LRP1B: variants seen among roughly 807,000 people sequenced by gnomAD.
The protein encoded by LRP1B is low-density lipoprotein receptor-related protein 1B.
Under a neutral mutation model 556.6 loss-of-function variants are expected in LRP1B, and 217 were observed. The observed-to-expected ratio is 0.39, with a 90% confidence interval of 0.35 to 0.44. The LOEUF is 0.44. Among genes scored for constraint, LRP1B ranks in the 20% least tolerant of loss-of-function variants. The pLI is 1.00. For missense variants in LRP1B, 5,053 were observed against 5,620.8 expected (o/e 0.90, Z 3.23); for synonymous variants, 2,047 against 1,865.8 (o/e 1.10, Z -2.50).
intron 7 of LRP1B, among the ~76,000 whole-genome samples, chr2:141,149,541 A>G (rs1183892338): frequency 6.6e-6 from 1 of 152,116 alleles, no homozygotes; most frequent in Non-Finnish European, 1.5e-5. Flanking sequence ...TCTATTCTAC[A>G]ACTCCTTTAT....
chr2:141,807,365 AG>A (rs1696199486), intron 2 of LRP1B, among the ~76,000 whole-genome samples: 3 of 152,220 alleles, frequency 2.0e-5, no homozygotes, highest in Non-Finnish European at 4.4e-5. Flanking sequence ...TATCTTGAAC[AG>A]ATTAAATGAA....
At chr2:141,471,443 T>TA (rs1293430707) in intron 3 of LRP1B, among the ~76,000 whole-genome samples, 1 of 152,096 alleles carries the variant, frequency 6.6e-6, no homozygotes, top group Non-Finnish European at 1.5e-5. Flanking sequence ...GCTTCAACCT[T>TA]ACCCAATAAC....
intron 2 of LRP1B, among the ~76,000 whole-genome samples, chr2:141,595,670 T>A (rs1687491061): frequency 6.6e-6 from 1 of 152,094 alleles, no homozygotes; most frequent in Middle Eastern, 3.2e-3. Flanking sequence ...TTTCATCAAT[T>A]TCTCCAAGCA....
At chr2:140,703,757 G>A (rs963157788) in intron 37 of LRP1B, among the ~76,000 whole-genome samples, 2 of 152,126 alleles carry the variant, frequency 1.3e-5, no homozygotes, top group Non-Finnish European at 2.9e-5. Context: ...TTATAAGTGA[G>A]AACACTCAGT....
intron 34 of LRP1B, among the ~76,000 whole-genome samples, chr2:140,769,994 G>C (rs1291000573): frequency 6.6e-6 from 1 of 151,702 alleles, no homozygotes; most frequent in Non-Finnish European, 1.5e-5. Flanking sequence ...ACACTCTAAT[G>C]CTTATGCATT....
chr2:141,871,487 T>C (rs1429412762), intron 1 of LRP1B, among the ~76,000 whole-genome samples: 1 of 151,946 alleles, frequency 6.6e-6, no homozygotes, highest in African/African-American at 2.4e-5. Context: ...TAAGGTTATC[T>C]TAAAACATTT....
At chr2:140,523,634 ACT>A (rs755934593) in intron 49 of LRP1B, among the ~76,000 whole-genome samples, 10 of 151,890 alleles carry the variant, frequency 6.6e-5, no homozygotes, top group Admixed American at 3.9e-4. Context: ...ACACCTAAAG[ACT>A]CTGCAAAAAA....
intron 29 of LRP1B, among the ~76,000 whole-genome samples, chr2:140,848,149 T>A (rs1267403683): frequency 1.3e-5 from 2 of 152,204 alleles, no homozygotes; most frequent in African/African-American, 4.8e-5. Flanking sequence ...ACCACCTAAC[T>A]GATTGTCAAT....
At chr2:142,032,288 T>G (rs1018630968) in intron 1 of LRP1B, among the ~76,000 whole-genome samples, 22 of 151,794 alleles carry the variant, frequency 1.4e-4, no homozygotes. Context: ...CTCTATCCCA[T>G]GCAAACCTGT....
intron 50 of LRP1B, 93 bp from the exon 51 acceptor site, chr2:140,514,865 A>T (rs1689822935): frequency 8.5e-7 from 1 of 1,177,960 alleles, no homozygotes; most frequent in East Asian, 2.7e-5. Context: ...ACTTTGCTAA[A>T]ATCAACAATC....
At position 141,593,107 on chromosome 2, in the gene LRP1B, A is replaced by T. The variant is rs553141566; in HGVS notation, c.206-112574T>A. On this transcript the variant is annotated intron_variant, in intron 2 of 90. Coordinates refer to ENST00000389484, the MANE Select transcript of LRP1B (RefSeq NM_018557.3). ...AACTCTAGAGAAGAGACAACATAACAGGACTAGATAATGATATTTCTGCAA... is the reference window on the plus strand; with the variant it reads ...AACTCTAGAGAAGAGACAACATAACTGGACTAGATAATGATATTTCTGCAA... Among the ~76,000 whole-genome samples, 10 of 152,296 alleles carry T rather than the reference A, an allele frequency of 6.6e-5. No individual in the cohort carries two copies. In the South Asian group the frequency reaches 2.1e-3, roughly 32 times the overall value.
chr2:140,644,757 C>T (rs145113665), intron 41 of LRP1B, among the ~76,000 whole-genome samples: 1 of 152,228 alleles, frequency 6.6e-6, no homozygotes, highest in African/African-American at 2.4e-5. Flanking sequence ...GCAAACTTCG[C>T]TGTCCTGGTA....
chr2:141,019,899 A>G (rs2105396369), intron 12 of LRP1B, 23 bp downstream of exon 12: 1 of 1,486,796 alleles, frequency 6.7e-7, no homozygotes, highest in Middle Eastern at 1.8e-4. Context: ...TTTCTTATAT[A>G]AAGCTAGTCA....
intron 7 of LRP1B, among the ~76,000 whole-genome samples, chr2:141,138,708 T>C (rs1701551685): frequency 6.6e-6 from 1 of 151,830 alleles, no homozygotes. Context: ...ATAACAACAA[T>C]AAACATTGTG....
intron 77 of LRP1B, among the ~76,000 whole-genome samples, chr2:140,340,955 A>G (rs894655787): frequency 5.9e-5 from 9 of 151,664 alleles, no homozygotes; most frequent in Admixed American, 4.6e-4. Flanking sequence ...TGAATTTAAT[A>G]AAGAAATTAT....
At chr2:142,088,835 C>T (rs778984128) in intron 1 of LRP1B, among the ~76,000 whole-genome samples, 3 of 151,726 alleles carry the variant, frequency 2.0e-5, no homozygotes, top group Non-Finnish European at 4.4e-5. Context: ...ATTAGCCGGG[C>T]TTGGTGGTGG....
At chr2:141,057,372 G>C (rs1274641209) in intron 9 of LRP1B, among the ~76,000 whole-genome samples, 1 of 151,728 alleles carries the variant, frequency 6.6e-6, no homozygotes, top group Non-Finnish European at 1.5e-5. Flanking sequence ...GCCACTCCTT[G>C]AACAGTCTAG....
At chr2:141,123,172 C>T (rs10928095) in intron 7 of LRP1B, among the ~76,000 whole-genome samples, 35,773 of 150,394 alleles carry the variant, frequency 0.24, 4,772 homozygotes, top group East Asian at 0.46. Context: ...AGCACACCAA[C>T]ATGGCATACG....
intron 41 of LRP1B, among the ~76,000 whole-genome samples, chr2:140,637,109 A>G (rs1684096735): frequency 6.6e-6 from 1 of 152,188 alleles, no homozygotes; most frequent in Non-Finnish European, 1.5e-5. Context: ...TTCTTACCCA[A>G]TGTAGAGATA....
Sources: gnomAD v4.1 joint callset for allele counts (sites outside exome capture counted in the v4.1 genomes callset) on GRCh38, gnomAD v4.1.1 for gene constraint, MANE v1.5 for transcripts, NCBI Gene and HGNC (gene_info 2026-07-23, HGNC 2026-07-21) for gene names.